IQSEC1: variants seen among roughly 807,000 people sequenced by gnomAD.
IQSEC1 encodes the protein IQ motif and SEC7 domain-containing protein 1.
A neutral mutation model predicts 91.0 loss-of-function variants in IQSEC1; 31 were observed. That is an observed-to-expected ratio of 0.34 (90% CI 0.26 to 0.46). The LOEUF is 0.46. IQSEC1 is among the 20% of genes least tolerant of loss of function. The probability of loss-of-function intolerance (pLI) is 1.00; values close to 1 mark genes in which losing one functional copy is unlikely to be tolerated. For synonymous variants in IQSEC1, 699 were observed against 662.6 expected (o/e 1.05, Z -0.84); for missense variants, 1,388 against 1,575.6 (o/e 0.88, Z 2.02).
Position 13,233,929 on chromosome 3 carries a change from GATAAA to G in IQSEC1, c.272+48777_272+48781del, listed in dbSNP as rs1694876852. On this transcript the variant is annotated intron_variant, in intron 1 of 15. Transcript: ENST00000648114. Reference sequence around the variant, plus strand: ...CCAAAAAGTGGGGAGGGTGAATCAAGATAAAATGTGCAAACTGTTCAGACAAGAGG... The same window carrying G: ...CCAAAAAGTGGGGAGGGTGAATCAAGATGTGCAAACTGTTCAGACAAGAGG... Among the ~76,000 whole-genome samples, 5 of 152,304 alleles carry G rather than the reference GATAAA, an allele frequency of 3.3e-5. No homozygotes were observed. The South Asian group carries it at 1.0e-3, about 32-fold the overall frequency.
chr3:13,131,638 C>T (rs759332333), intron 2 of IQSEC1, among the ~76,000 whole-genome samples: 33 of 152,138 alleles, frequency 2.2e-4, no homozygotes, highest in Admixed American at 3.9e-4. Context: ...AGGTGTGTGT[C>T]ACCACATGTG....
chr3:13,235,847 T>A (rs1427045183), intron 1 of IQSEC1, among the ~76,000 whole-genome samples: 1 of 152,062 alleles, frequency 6.6e-6, no homozygotes, highest in Non-Finnish European at 1.5e-5. Flanking sequence ...GTGAACCTGG[T>A]CTTTAAATCC....
chr3:12,965,784 AACCCCTCC>A (rs1700524220), intron 1 of IQSEC1, among the ~76,000 whole-genome samples: 1 of 152,182 alleles, frequency 6.6e-6, no homozygotes, highest in African/African-American at 2.4e-5. Flanking sequence ...GAGGGGCAGA[AACCCCTCC>A]CCAGTTACTT....
intron 1 of IQSEC1, among the ~76,000 whole-genome samples, chr3:13,046,364 G>A (rs1012322571): frequency 1.3e-5 from 2 of 152,220 alleles, no homozygotes; most frequent in Non-Finnish European, 1.5e-5. Flanking sequence ...CTCCAGGAGC[G>A]CACGCGGCGG....
At position 13,106,590 on chromosome 3, in the gene IQSEC1, G is replaced by A. The variant is rs532400339; in HGVS notation, c.302+57514C>T. 3.3e-5 allele frequency among the ~76,000 whole-genome samples: 5 copies of A among 152,310 alleles called. No homozygotes were observed. In the South Asian group the frequency reaches 1.0e-3, roughly 32 times the overall value. Reference sequence around the variant, plus strand: ...TAAACTTAGGCCATCTGGTGTCAGAGCTCCCTGCCCTTAACCCTTAGGCAG... The same window carrying A: ...TAAACTTAGGCCATCTGGTGTCAGAACTCCCTGCCCTTAACCCTTAGGCAG... On this transcript the variant is annotated intron_variant, in intron 2 of 15. Transcript: ENST00000648114.
rs944642053 is a variant in IQSEC1 at position 12,898,410 on chromosome 3, G to A, written c.*2573C>T. 1.3e-5 allele frequency: 2 copies of A among 152,258 alleles called. No individual in the cohort carries two copies. Among genetic ancestry groups the A allele is most frequent in the African/African-American group, 4.8e-5 (2 of 41,468 alleles). The allele number at this position is 152,258 out of a possible 1,614,324, so 9.4% of individuals were successfully genotyped here. A position where few individuals can be genotyped will look rare whatever the true frequency, so the allele number is the denominator to read the frequency against. On this transcript the variant is annotated 3_prime_UTR_variant, in exon 14 of 14. Transcript: ENST00000613206. ...GAGTGCGGCGGGAAACCCCGGGAAG[G>A]GCTCAGTGGGTTCCAGCAGTTCCTT...
At chr3:13,275,111 C>T (rs1205600522) in intron 1 of IQSEC1, among the ~76,000 whole-genome samples, 1 of 152,114 alleles carries the variant, frequency 6.6e-6, no homozygotes, top group Non-Finnish European at 1.5e-5. Flanking sequence ...TTCATATATG[C>T]GAAATGGGAT....
chr3:12,977,153 C>G (rs991348244), intron 1 of IQSEC1, among the ~76,000 whole-genome samples: 1 of 152,082 alleles, frequency 6.6e-6, no homozygotes, highest in African/African-American at 2.4e-5. Context: ...TAGAGACTAG[C>G]CTGGGCAACA....
At chr3:13,171,160 C>G (rs1011793736) in intron 1 of IQSEC1, among the ~76,000 whole-genome samples, 1 of 152,106 alleles carries the variant, frequency 6.6e-6, no homozygotes, top group Admixed American at 6.6e-5. Flanking sequence ...CTGAGGAAAT[C>G]CGCAGTGTCA....
At chr3:13,239,881 G>A (rs949677134) in intron 1 of IQSEC1, among the ~76,000 whole-genome samples, 1 of 152,230 alleles carries the variant, frequency 6.6e-6, no homozygotes, top group African/African-American at 2.4e-5. Flanking sequence ...TGCGGGTGGG[G>A]AGTGAGGAGT....
At chr3:12,946,709 T>A (rs1699204596) in intron 1 of IQSEC1, among the ~76,000 whole-genome samples, 1 of 152,112 alleles carries the variant, frequency 6.6e-6, no homozygotes, top group Non-Finnish European at 1.5e-5. Flanking sequence ...TTGTGGACTA[T>A]AAGATGAATG....
chr3:13,215,096 A>G (rs1284064689), intron 1 of IQSEC1, among the ~76,000 whole-genome samples: 1 of 152,114 alleles, frequency 6.6e-6, no homozygotes, highest in Admixed American at 6.5e-5. Flanking sequence ...ACCATCTGGC[A>G]AGGGAAGAGA....
chr3:13,153,663 C>T (rs760676518), intron 2 of IQSEC1, among the ~76,000 whole-genome samples: 1 of 152,182 alleles, frequency 6.6e-6, no homozygotes, highest in Non-Finnish European at 1.5e-5. Context: ...CCTTCAGAAG[C>T]TGTCCCCACC....
At chr3:13,058,891 G>A (rs1434344300) in intron 1 of IQSEC1, among the ~76,000 whole-genome samples, 1 of 152,172 alleles carries the variant, frequency 6.6e-6, no homozygotes, top group Non-Finnish European at 1.5e-5. Flanking sequence ...GGTGCCCTCG[G>A]CCCACGGGGT....
rs1213352635 is a variant in IQSEC1, at chr3:13,073,305, T to C, written c.-291A>G. On this transcript the variant is annotated 5_prime_UTR_variant, in exon 1 of 14. Transcript: ENST00000613206. ...GTGGTCGCCAGGCTGGGCGGGGGCGTCCACCTCGCTGCTACCTGGGCCCAC... is the reference window on the plus strand; with the variant it reads ...GTGGTCGCCAGGCTGGGCGGGGGCGCCCACCTCGCTGCTACCTGGGCCCAC... 6.6e-6 allele frequency among the ~76,000 whole-genome samples: 1 copy of C among 152,192 alleles called. No homozygotes were observed. The highest frequency in any genetic ancestry group is 1.5e-5 in the Non-Finnish European group (1 of 68,000).
chr3:13,124,205 C>T (rs1706473820), intron 2 of IQSEC1, among the ~76,000 whole-genome samples: 1 of 152,182 alleles, frequency 6.6e-6, no homozygotes, highest in African/African-American at 2.4e-5. Context: ...GACTGCAGAG[C>T]ATCAGGACCC....
rs954710244 is a variant in IQSEC1, at chr3:12,988,289, C to T, written c.24-46424G>A. Among the ~76,000 whole-genome samples the T allele has an allele frequency of 2.0e-5, 3 of 152,152 alleles. No individual in the cohort carries two copies. The South Asian group carries it at 6.2e-4, about 31-fold the overall frequency. ...AATTAGCCAGGCGTGGTGGTAGGAG[C>T]CTGTAATCCCAGCTACTGGGGAGGC... is the stretch of plus-strand genomic sequence containing the variant. On this transcript the variant is annotated intron_variant, in intron 1 of 13. Coordinates refer to ENST00000613206, the MANE Select transcript of IQSEC1 (RefSeq NM_001134382.3).
chr3:13,088,685 C>T (rs1288784373), intron 2 of IQSEC1, among the ~76,000 whole-genome samples: 1 of 152,216 alleles, frequency 6.6e-6, no homozygotes, highest in Non-Finnish European at 1.5e-5. Flanking sequence ...TGCCATGATC[C>T]ACAGGCCCTG....
At chr3:13,151,953 C>T (rs988210624) in intron 2 of IQSEC1, among the ~76,000 whole-genome samples, 5 of 151,810 alleles carry the variant, frequency 3.3e-5, no homozygotes, top group African/African-American at 9.7e-5. Context: ...GTGACAGAAG[C>T]GAAACTCCAT....
Sources: gnomAD v4.1 joint callset for allele counts (sites outside exome capture counted in the v4.1 genomes callset) on GRCh38, gnomAD v4.1.1 for gene constraint, MANE v1.5 for transcripts, NCBI Gene and HGNC (gene_info 2026-07-23, HGNC 2026-07-21) for gene names.